The following PTPRJ variants were observed in gnomAD, a reference collection of about 807,000 sequenced individuals.
PTPRJ encodes the protein receptor-type tyrosine-protein phosphatase eta.
PTPRJ carries 129 observed loss-of-function variants against 141.3 expected under a neutral mutation model. The observed-to-expected ratio is 0.91, with a 90% confidence interval of 0.79 to 1.06. The LOEUF (loss-of-function observed/expected upper bound fraction) is 1.06, where lower values mean the gene tolerates loss of function less well. PTPRJ is among the 50% of genes least tolerant of loss of function. The pLI is 0.00. For missense variants in PTPRJ, 1,601 were observed against 1,679.7 expected (o/e 0.95, Z 0.82); for synonymous variants, 610 against 640.5 (o/e 0.95, Z 0.72).
chr11:48,140,984 A>G (rs1857218007), intron 11 of PTPRJ, among the ~76,000 whole-genome samples: 1 of 152,102 alleles, frequency 6.6e-6, no homozygotes, highest in South Asian at 2.1e-4. Flanking sequence ...AGGTTTAGAC[A>G]ATTATGTTGT....
chr11:48,020,406 T>A (rs1260366490), intron 1 of PTPRJ, among the ~76,000 whole-genome samples: 1 of 152,186 alleles, frequency 6.6e-6, no homozygotes, highest in Non-Finnish European at 1.5e-5. Context: ...TGAATGCTCT[T>A]TGTTTCTTGC....
rs1857837125 is a variant in PTPRJ, at chr11:48,163,514, C to CCA, written c.3617_3618dup (p.Gly1207ThrfsTer21). 1 of 1,613,848 alleles carries CCA rather than the reference C, an allele frequency of 6.2e-7. No homozygotes were observed. Among genetic ancestry groups the CCA allele is most frequent in the Non-Finnish European group, 8.5e-7 (1 of 1,179,846 alleles). ...AGTTCCATTTCACCTCCTGGCCAGA[C>CCA]CACGGTGTTCCCGACACCACTGACC... On this transcript the variant is annotated frameshift_variant, in exon 23 of 25. Transcript: ENST00000418331. LOFTEE classifies it high-confidence loss of function.
In PTPRJ at chr11:48,121,001, A is replaced by G. The variant is rs1856691085; in HGVS notation, c.353-2A>G. ...ATTTTTTTTTTTTTTTTAACAATATAGGGCCCAGTCCTGTGTTTGACATTA... is the reference window on the plus strand; with the variant it reads ...ATTTTTTTTTTTTTTTTAACAATATGGGGCCCAGTCCTGTGTTTGACATTA... On this transcript the variant is annotated splice_acceptor_variant, in intron 3 of 24. Coordinates refer to ENST00000418331, the MANE Select transcript of PTPRJ (RefSeq NM_002843.4). LOFTEE classifies it high-confidence loss of function. 2 of 1,566,502 alleles carry G rather than the reference A, an allele frequency of 1.3e-6. No homozygotes were observed. Among genetic ancestry groups the G allele is most frequent in the East Asian group, 2.4e-5 (1 of 42,086 alleles).
intron 1 of PTPRJ, among the ~76,000 whole-genome samples, chr11:48,027,863 A>G (rs1201884362): frequency 1.3e-5 from 2 of 148,460 alleles, no homozygotes; most frequent in African/African-American, 4.9e-5. Flanking sequence ...GGAAGGCTGC[A>G]GTATTGTCAG....
At chr11:48,071,527 A>T (rs1855253035) in intron 1 of PTPRJ, among the ~76,000 whole-genome samples, 2 of 150,936 alleles carry the variant, frequency 1.3e-5, no homozygotes, top group Admixed American at 1.3e-4. Flanking sequence ...CGTGTTAGCC[A>T]GGATGGTCTC....
chr11:48,159,120 G>GGGGGGTGTGTGTCT, intron 21 of PTPRJ, among the ~76,000 whole-genome samples: 1 of 1,428 alleles, frequency 7.0e-4, no homozygotes. Flanking sequence ...GTGTGTATGT[G>GGGGGGTGTGTGTCT]GGGTGTGTGT....
At chr11:48,161,980 C>G (rs1019503049) in intron 22 of PTPRJ, among the ~76,000 whole-genome samples, 12 of 152,108 alleles carry the variant, frequency 7.9e-5, no homozygotes, top group African/African-American at 2.7e-4. Context: ...GCCTCCACTG[C>G]TTGGGGCTTA....
At chr11:48,075,232 C>T (rs1447711215) in intron 1 of PTPRJ, among the ~76,000 whole-genome samples, 1 of 152,118 alleles carries the variant, frequency 6.6e-6, no homozygotes, top group Non-Finnish European at 1.5e-5. Context: ...CAACCTCTGC[C>T]TCCTGGGTTC....
intron 6 of PTPRJ, 88 bp from the exon 7 acceptor site, chr11:48,127,692 G>T (rs1856874729): frequency 2.2e-6 from 3 of 1,393,578 alleles, no homozygotes; most frequent in Admixed American, 3.5e-5. Flanking sequence ...AGGAGAGTTT[G>T]CTGGGCTTGA....
chr11:48,111,280 C>CAAAAAAAAAAAAAAAAAAA (rs10554961), intron 2 of PTPRJ, among the ~76,000 whole-genome samples: 1 of 67,248 alleles, frequency 1.5e-5, no homozygotes, highest in East Asian at 4.4e-4. Context: ...AACTCCATCT[C>CAAAAAAAAAAAAAAAAAAA]AAAAAAAAAA....
intron 1 of PTPRJ, among the ~76,000 whole-genome samples, chr11:48,072,627 A>G (rs1318851926): frequency 6.6e-6 from 1 of 152,192 alleles, no homozygotes; most frequent in Non-Finnish European, 1.5e-5. Context: ...ACCCATTTGG[A>G]AATGCACAGA....
intron 9 of PTPRJ, among the ~76,000 whole-genome samples, chr11:48,136,636 G>T (rs1203236571): frequency 6.6e-6 from 1 of 152,212 alleles, no homozygotes; most frequent in Non-Finnish European, 1.5e-5. Flanking sequence ...GCCTGCAACA[G>T]TTAGGGAGGT....
intron 1 of PTPRJ, among the ~76,000 whole-genome samples, chr11:48,091,870 A>G (rs574708197): frequency 1.3e-5 from 2 of 152,290 alleles, no homozygotes; most frequent in South Asian, 4.1e-4. Flanking sequence ...GAGTTTGCTG[A>G]GGATAGGACT....
chr11:48,131,859 A>G, intron 8 of PTPRJ: 1 of 250,004 alleles, frequency 4.0e-6, no homozygotes, highest in Non-Finnish European at 7.5e-6. Flanking sequence ...TATCATAACA[A>G]TACTAAAATG....
chr11:48,037,873 C>A (rs1854167237), intron 1 of PTPRJ, among the ~76,000 whole-genome samples: 1 of 151,892 alleles, frequency 6.6e-6, no homozygotes. Context: ...ACAGGCTGAC[C>A]CCATACCTGC....
rs1485388440 is a variant in PTPRJ at position 48,136,989 on chromosome 11, T to C, written c.1874-14T>C. The stretch of plus-strand genomic sequence containing the variant: ...CTGTGCTTTTACATGAATTGCCTTT[T>C]TTTTAAAATCAAGGGCCCAGCAATG... On this transcript the variant is annotated splice_polypyrimidine_tract_variant and intron_variant, in intron 9 of 24. Coordinates refer to ENST00000418331, the MANE Select transcript of PTPRJ (RefSeq NM_002843.4). The C allele has an allele frequency of 6.4e-7, 1 of 1,573,434 alleles. No individual in the cohort carries two copies. Among genetic ancestry groups the C allele is most frequent in the Non-Finnish European group, 8.7e-7 (1 of 1,147,346 alleles).
rs1273740904 is a variant in PTPRJ at position 48,139,606 on chromosome 11, C to T, written c.2273C>T (p.Ala758Val). 33 of 1,614,140 alleles carry T rather than the reference C, an allele frequency of 2.0e-5. No homozygotes were observed. The Admixed American group carries it at 5.5e-4, about 27-fold the overall frequency. ...TTTGAGCTGGAGGTCAGCAGTGGAG[C>T]CTGGAACAATGCGACCCACCTGGAG... ...AGFELEVSSG[A>V]WNNATHLESC... is the part of the protein sequence containing the mutation. Residue 758 changes from alanine to valine, a missense_variant, in exon 11 of 25, where the codon GCC (alanine) becomes GTC (valine). Physicochemically the swap from Ala to Val is moderately conservative, Grantham distance 64. Coordinates refer to ENST00000418331, the MANE Select transcript of PTPRJ (RefSeq NM_002843.4).
chr11:47,986,213 G>T (rs1287600193), intron 1 of PTPRJ, among the ~76,000 whole-genome samples: 1 of 152,112 alleles, frequency 6.6e-6, no homozygotes, highest in African/African-American at 2.4e-5. Flanking sequence ...TTTCTTTGGG[G>T]CCTCAGTTTA....
chr11:48,158,936 A>C lies in PTPRJ; in HGVS notation c.3439-994A>C, dbSNP rs917518339. ...CATTGTACCCCAGCTTGTATGACAG[A>C]GTGAGACTGTCTCAAACAAACACAC... On this transcript the variant is annotated intron_variant, in intron 21 of 24. Coordinates refer to ENST00000418331, the MANE Select transcript of PTPRJ (RefSeq NM_002843.4). The surrounding 1 kb of genome is among the most constrained non-coding windows in gnomAD (Gnocchi z 4.4). 6.6e-6 allele frequency among the ~76,000 whole-genome samples: 1 copy of C among 152,146 alleles called. No individual in the cohort carries two copies. Among genetic ancestry groups the C allele is most frequent in the Non-Finnish European group, 1.5e-5 (1 of 68,022 alleles).
Sources: allele counts gnomAD v4.1 joint callset (sites outside exome capture counted in the v4.1 genomes callset), GRCh38; gene constraint gnomAD v4.1.1; non-coding constraint Gnocchi (gnomAD v3.1); transcripts MANE v1.5; gene names NCBI Gene and HGNC (gene_info 2026-07-23, HGNC 2026-07-21).